Variants in GALNT18 observed in about 807,000 individuals in gnomAD.
GALNT18 encodes polypeptide N-acetylgalactosaminyltransferase 18.
GALNT18 carries 44 observed loss-of-function variants against 69.5 expected under a neutral mutation model. That is an observed-to-expected ratio of 0.63 (90% CI 0.50 to 0.81). The LOEUF (loss-of-function observed/expected upper bound fraction) is 0.81, where lower values mean the gene tolerates loss of function less well. GALNT18 is among the 40% of genes least tolerant of loss of function. GALNT18 has a pLI of 0.00. For missense variants in GALNT18, 715 were observed against 810.0 expected, an observed-to-expected ratio of 0.88 and a Z score of 1.42; for synonymous variants, 364 against 318.2, an observed-to-expected ratio of 1.14 and a Z score of -1.53.
intron 1 of GALNT18, among the ~76,000 whole-genome samples, chr11:11,457,227 A>T (rs928284005): frequency 1.3e-5 from 2 of 152,294 alleles, no homozygotes; most frequent in African/African-American, 4.8e-5. Context: ...GTGGGGAGGA[A>T]ACGGGCTTCA....
intron 9 of GALNT18, among the ~76,000 whole-genome samples, chr11:11,294,961 G>A (rs1714573411): frequency 6.6e-6 from 1 of 152,146 alleles, no homozygotes; most frequent in Non-Finnish European, 1.5e-5. Flanking sequence ...GTTCTCTCTG[G>A]TTATCTTGAC....
Position 11,621,579 on chromosome 11 carries a change from C to A in GALNT18, c.15G>T (p.Arg5Ser). ...AAGTGGACACCAAAGTTTTGGTCTT[C>A]CTGGTGCACACCATTCTGGGCTCCT... MVCT[R>S]KTKTLVSTCV... is the part of the protein sequence containing the mutation. The change falls in exon 1 of 11, where the codon AGG (arginine) becomes AGT (serine). Residue 5 changes from arginine to serine, a missense_variant. Transcript: ENST00000227756. The surrounding 1 kb of genome is among the most constrained non-coding windows in gnomAD (Gnocchi z 9.3). 6.2e-7 allele frequency: 1 copy of A among 1,603,022 alleles called. No homozygotes were observed. The highest frequency in any genetic ancestry group is 1.1e-5 in the South Asian group (1 of 89,992).
At position 11,389,044 on chromosome 11, in the gene GALNT18, A is replaced by T. The variant is rs1398747113; in HGVS notation, c.596-9780T>A. Among the ~76,000 whole-genome samples the T allele has an allele frequency of 6.6e-6, 1 of 152,238 alleles. No individual in the cohort carries two copies. The highest frequency in any genetic ancestry group is 1.5e-5 in the Non-Finnish European group (1 of 68,040). ...GAGGCTAAAGGATTTGCCCAGTATC[A>T]CAGAGCTAGAAGATGGCAGAGCTGA... is the stretch of plus-strand genomic sequence containing the variant. On this transcript the variant is annotated intron_variant, in intron 3 of 10. Transcript: ENST00000227756. The surrounding 1 kb of genome is among the most constrained non-coding windows in gnomAD (Gnocchi z 4.3).
chr11:11,477,973 T>C (rs938935510), intron 1 of GALNT18, among the ~76,000 whole-genome samples: 2 of 152,228 alleles, frequency 1.3e-5, no homozygotes, highest in Admixed American at 6.5e-5. Context: ...TCAGGCTTTA[T>C]CTAAGATCAA....
chr11:11,335,646 C>T (rs1348026053), intron 7 of GALNT18, among the ~76,000 whole-genome samples: 4 of 152,116 alleles, frequency 2.6e-5, no homozygotes, highest in Non-Finnish European at 5.9e-5. Flanking sequence ...ATGAAATCAT[C>T]CTGCGTTTGG....
Position 11,315,997 on chromosome 11 carries a change from T to C in GALNT18, c.1512+11089A>G, listed in dbSNP as rs989927736. On this transcript the variant is annotated intron_variant, in intron 9 of 10. Transcript: ENST00000227756. The surrounding 1 kb of genome is among the most constrained non-coding windows in gnomAD (Gnocchi z 5.6). ...ACATGAATGGTGGCCCCTGGAACCG[T>C]GCGAGGTGACAGCTCAGAGGACAAT... Among the ~76,000 whole-genome samples the C allele has an allele frequency of 6.6e-6, 1 of 151,954 alleles. No individual in the cohort carries two copies.
At chr11:11,589,460 C>G (rs1565029871) in intron 1 of GALNT18, among the ~76,000 whole-genome samples, 1 of 145,114 alleles carries the variant, frequency 6.9e-6, no homozygotes, top group African/African-American at 2.9e-5. Context: ...AAAAATGACT[C>G]CAAATATGAA....
At position 11,601,103 on chromosome 11, in the gene GALNT18, C is replaced by A. The variant is rs188906951; in HGVS notation, c.235+20256G>T. 6.6e-6 allele frequency among the ~76,000 whole-genome samples: 1 copy of A among 152,116 alleles called. No homozygotes were observed. The highest frequency in any genetic ancestry group is 6.5e-5 in the Admixed American group (1 of 15,276). On this transcript the variant is annotated intron_variant, in intron 1 of 10. Coordinates refer to ENST00000227756, the MANE Select transcript of GALNT18 (RefSeq NM_198516.3). The surrounding 1 kb of genome is among the most constrained non-coding windows in gnomAD (Gnocchi z 4.0). ...TCTTTGAACAAATATATAATAGCTACTTTGCTGTCTTTTTCTGGTAAGTCT... is the reference window on the plus strand; with the variant it reads ...TCTTTGAACAAATATATAATAGCTAATTTGCTGTCTTTTTCTGGTAAGTCT...
intron 9 of GALNT18, among the ~76,000 whole-genome samples, chr11:11,319,473 A>G (rs1296521674): frequency 1.3e-5 from 2 of 152,228 alleles, no homozygotes; most frequent in African/African-American, 4.8e-5. Context: ...GTTCATAAAA[A>G]AGGAGCAATT....
At position 11,616,915 on chromosome 11, in the gene GALNT18, C is replaced by T. The variant is rs184756935; in HGVS notation, c.235+4444G>A. On this transcript the variant is annotated intron_variant, in intron 1 of 10. Transcript: ENST00000227756. The surrounding 1 kb of genome is among the most constrained non-coding windows in gnomAD (Gnocchi z 4.4). Reference sequence around the variant, plus strand: ...AAGTGCTTTGCAAAGGTTTTATAAACGGTAGTCAGTTAAAGAATAGCAATC... The same window carrying T: ...AAGTGCTTTGCAAAGGTTTTATAAATGGTAGTCAGTTAAAGAATAGCAATC... 2.0e-3 allele frequency among the ~76,000 whole-genome samples: 301 copies of T among 152,248 alleles called. 2 individuals are homozygous for T. The highest frequency in any genetic ancestry group is 3.4e-3 in the Middle Eastern group (1 of 294).
chr11:11,459,418 G>A lies in GALNT18; in HGVS notation c.236-10482C>T, dbSNP rs1159079076. 1.3e-5 allele frequency among the ~76,000 whole-genome samples: 2 copies of A among 152,168 alleles called. No individual in the cohort carries two copies. The highest frequency in any genetic ancestry group is 2.4e-5 in the African/African-American group (1 of 41,460). On this transcript the variant is annotated intron_variant, in intron 1 of 10. Transcript: ENST00000227756. The surrounding 1 kb of genome is among the most constrained non-coding windows in gnomAD (Gnocchi z 5.0). ...CAGCATGGCAAAGGAAATCTAGGAT[G>A]GCTTCCTCTGACACCTGAACAGTGT...
At position 11,413,272 on chromosome 11, in the gene GALNT18, A is replaced by T. The variant is rs994310574; in HGVS notation, c.595+19349T>A. Among the ~76,000 whole-genome samples the T allele has an allele frequency of 6.6e-6, 1 of 152,084 alleles. No homozygotes were observed. Among genetic ancestry groups the T allele is most frequent in the East Asian group, 1.9e-4 (1 of 5,170 alleles). ...AGCTGGCTGCTGTGCATGCCTGAGG[A>T]CCCCGGTGGGAAGCTCTTCTGCACT... is the stretch of plus-strand genomic sequence containing the variant. On this transcript the variant is annotated intron_variant, in intron 3 of 10. Transcript: ENST00000227756. This position sits in a 1 kb window ranked among gnomAD's most constrained non-coding sequence, Gnocchi z 4.7.
At position 11,541,726 on chromosome 11, in the gene GALNT18, C is replaced by G. The variant is rs1455694196; in HGVS notation, c.235+79633G>C. 1.3e-5 allele frequency among the ~76,000 whole-genome samples: 2 copies of G among 151,914 alleles called. No individual in the cohort carries two copies. Among genetic ancestry groups the G allele is most frequent in the African/African-American group, 4.8e-5 (2 of 41,318 alleles). ...TATTGCCCCAAAGCGTCGCTAGTAG[C>G]CTTGGGGATTCCTCCCTTCAGCCAA... On this transcript the variant is annotated intron_variant, in intron 1 of 10. Transcript: ENST00000227756. The surrounding 1 kb of genome is among the most constrained non-coding windows in gnomAD (Gnocchi z 4.8).
intron 1 of GALNT18, among the ~76,000 whole-genome samples, chr11:11,450,255 G>A (rs1348917998): frequency 1.3e-5 from 2 of 152,194 alleles, no homozygotes; most frequent in African/African-American, 4.8e-5. Context: ...TGGAGTCAAT[G>A]GGTGTATGAC....
intron 3 of GALNT18, among the ~76,000 whole-genome samples, chr11:11,381,166 T>C (rs1853907755): frequency 6.6e-6 from 1 of 152,252 alleles, no homozygotes; most frequent in African/African-American, 2.4e-5. Flanking sequence ...TTACAAGGTC[T>C]TCAAGCACCG....
rs757802728 is a variant in GALNT18, at chr11:11,352,521, G to C, written c.1093-11517C>G. On this transcript the variant is annotated intron_variant, in intron 6 of 10. Coordinates refer to ENST00000227756, the MANE Select transcript of GALNT18 (RefSeq NM_198516.3). ...CATCTGATAGTCTACAAGTAGCTCA[G>C]GACCTTTGAAGTATCGGGAAGCAAC... is the stretch of plus-strand genomic sequence containing the variant. The C allele has an allele frequency of 3.1e-6, 5 of 1,614,004 alleles. No homozygotes were observed. In the South Asian group the frequency reaches 5.5e-5, roughly 18 times the overall value.
At chr11:11,568,320 T>C (rs1163099263) in intron 1 of GALNT18, among the ~76,000 whole-genome samples, 1 of 152,072 alleles carries the variant, frequency 6.6e-6, no homozygotes, top group African/African-American at 2.4e-5. Flanking sequence ...CAGGTAGCTC[T>C]GGGGAGTTGG....
chr11:11,408,876 T>C (rs1423028977), intron 3 of GALNT18, among the ~76,000 whole-genome samples: 1 of 152,002 alleles, frequency 6.6e-6, no homozygotes, highest in African/African-American at 2.4e-5. Flanking sequence ...TTGATTTGGG[T>C]CAGTGAAAAA....
intron 1 of GALNT18, among the ~76,000 whole-genome samples, chr11:11,526,278 G>A (rs952620314): frequency 6.6e-6 from 1 of 152,144 alleles, no homozygotes; most frequent in African/African-American, 2.4e-5. Context: ...GCCCGGCCAT[G>A]GATCAAACAT....
Sources: gnomAD v4.1 joint callset for allele counts (sites outside exome capture counted in the v4.1 genomes callset) on GRCh38, gnomAD v4.1.1 for gene constraint, Gnocchi (gnomAD v3.1) non-coding constraint, MANE v1.5 for transcripts, NCBI Gene and HGNC (gene_info 2026-07-23, HGNC 2026-07-21) for gene names.